ZRANB3: variants seen among roughly 807,000 people sequenced by gnomAD.
The protein encoded by ZRANB3 is DNA annealing helicase and endonuclease ZRANB3.
ZRANB3 carries 125 observed loss-of-function variants against 133.8 expected under a neutral mutation model. The observed-to-expected ratio is 0.93, with a 90% CI of 0.81 to 1.08. ZRANB3 has a LOEUF of 1.08. Among genes scored for constraint, ZRANB3 ranks in the 50% least tolerant of loss-of-function variants. The probability of loss-of-function intolerance (pLI) is 0.00; values close to 1 mark genes in which losing one functional copy is unlikely to be tolerated. For missense variants in ZRANB3, 1,229 were observed against 1,275.5 expected, an observed-to-expected ratio of 0.96 and a Z score of 0.56; for synonymous variants, 387 against 432.7, an observed-to-expected ratio of 0.89 and a Z score of 1.31.
intron 2 of ZRANB3, among the ~76,000 whole-genome samples, chr2:135,464,357 A>T (rs1428892571): frequency 6.6e-6 from 1 of 152,128 alleles, no homozygotes; most frequent in Non-Finnish European, 1.5e-5. Flanking sequence ...TGGCAGGTGA[A>T]GCAATGTGGA....
At chr2:135,460,262 A>G (rs1257614779) in intron 2 of ZRANB3, among the ~76,000 whole-genome samples, 19 of 151,560 alleles carry the variant, frequency 1.3e-4, no homozygotes, top group Admixed American at 7.9e-4. Flanking sequence ...TCAAACAGCT[A>G]ACTTTTTTTT....
At chr2:135,370,999 G>A (rs1686153875) in intron 3 of ZRANB3, among the ~76,000 whole-genome samples, 1 of 152,108 alleles carries the variant, frequency 6.6e-6, no homozygotes, top group Admixed American at 6.5e-5. Flanking sequence ...ATAACCTTAA[G>A]CTTCTTGAGG....
At chr2:135,383,413 C>T (rs1686815777) in intron 3 of ZRANB3, among the ~76,000 whole-genome samples, 1 of 152,092 alleles carries the variant, frequency 6.6e-6, no homozygotes, top group Admixed American at 6.6e-5. Context: ...TTTAACACCC[C>T]ACTGTCAACA....
At chr2:135,342,991 C>T (rs1008437712) in intron 6 of ZRANB3, among the ~76,000 whole-genome samples, 1 of 139,034 alleles carries the variant, frequency 7.2e-6, no homozygotes, top group Non-Finnish European at 1.5e-5. Context: ...ATGGCGAAAC[C>T]CTGTCTCTAC....
chr2:135,405,649 A>C (rs893076952), intron 2 of ZRANB3, among the ~76,000 whole-genome samples: 5 of 152,204 alleles, frequency 3.3e-5, no homozygotes, highest in African/African-American at 1.2e-4. Context: ...TCAAACTAGA[A>C]CTCAGGATTA....
At chr2:135,522,590 A>C (rs935783778) in intron 1 of ZRANB3, among the ~76,000 whole-genome samples, 2 of 152,208 alleles carry the variant, frequency 1.3e-5, no homozygotes, top group Non-Finnish European at 2.9e-5. Context: ...ACCTGAGGTC[A>C]GGAGTTCAAG....
Position 135,244,509 on chromosome 2 carries a change from G to A in ZRANB3, c.1540-13582C>T, listed in dbSNP as rs1695700269. Among the ~76,000 whole-genome samples the A allele has an allele frequency of 3.3e-5, 5 of 152,242 alleles. No individual in the cohort carries two copies. In the South Asian group the frequency reaches 1.0e-3, roughly 32 times the overall value. On this transcript the variant is annotated intron_variant, in intron 12 of 20. Transcript: ENST00000264159. The stretch of plus-strand genomic sequence containing the variant: ...TGTAATCCCAGCTACTCGGGAGGCT[G>A]ACGCACGAGAATCACTTGAACCCAG...
intron 2 of ZRANB3, among the ~76,000 whole-genome samples, chr2:135,461,824 C>A (rs1690779824): frequency 6.6e-6 from 1 of 152,110 alleles, no homozygotes; most frequent in Admixed American, 6.6e-5. Flanking sequence ...AATCTAGTTT[C>A]TTCACTAGCA....
chr2:135,343,670 G>C (rs550666046), intron 6 of ZRANB3, among the ~76,000 whole-genome samples: 1 of 149,800 alleles, frequency 6.7e-6, no homozygotes, highest in Admixed American at 6.6e-5. Context: ...AATATATGAA[G>C]ATTTTCAGCA....
At chr2:135,220,356 C>G (rs1694488553) in intron 15 of ZRANB3, among the ~76,000 whole-genome samples, 1 of 150,196 alleles carries the variant, frequency 6.7e-6, no homozygotes, top group Admixed American at 6.6e-5. Context: ...AAAAAAGTTA[C>G]AGCTCCCACA....
intron 5 of ZRANB3, among the ~76,000 whole-genome samples, chr2:135,348,021 G>A (rs1029109994): frequency 3.3e-5 from 5 of 152,086 alleles, no homozygotes; most frequent in African/African-American, 1.2e-4. Context: ...CACTTTAGGA[G>A]GCTAAGACGA....
intron 6 of ZRANB3, among the ~76,000 whole-genome samples, chr2:135,342,524 A>G (rs1263582301): frequency 6.7e-6 from 1 of 149,522 alleles, no homozygotes. Context: ...TGCCTAGGCT[A>G]GTGTCAAACT....
At chr2:135,319,222 A>T (rs975015271) in intron 6 of ZRANB3, among the ~76,000 whole-genome samples, 1 of 152,084 alleles carries the variant, frequency 6.6e-6, no homozygotes, top group African/African-American at 2.4e-5. Flanking sequence ...AATGAAAAAA[A>T]CACAAGTTAC....
At chr2:135,277,327 C>T (rs1680876073) in intron 8 of ZRANB3, among the ~76,000 whole-genome samples, 1 of 152,138 alleles carries the variant, frequency 6.6e-6, no homozygotes, top group Non-Finnish European at 1.5e-5. Context: ...TTATTGAAGG[C>T]CACAGTCTAT....
chr2:135,495,893 T>A (rs1692639736), intron 2 of ZRANB3, among the ~76,000 whole-genome samples: 1 of 152,162 alleles, frequency 6.6e-6, no homozygotes, highest in Non-Finnish European at 1.5e-5. Context: ...TTATACTTAA[T>A]TTTTTAAGCT....
chr2:135,421,749 T>C (rs1386054932), intron 2 of ZRANB3, among the ~76,000 whole-genome samples: 1 of 152,174 alleles, frequency 6.6e-6, no homozygotes, highest in Non-Finnish European at 1.5e-5. Context: ...CATTAGTTAG[T>C]ACGGTGGCCT....
intron 3 of ZRANB3, among the ~76,000 whole-genome samples, chr2:135,383,721 C>T (rs1022389281): frequency 2.6e-5 from 4 of 152,156 alleles, no homozygotes; most frequent in Admixed American, 6.5e-5. Context: ...TACGTGGAAA[C>T]TGAACAACCT....
chr2:135,303,204 T>C (rs530249136), intron 8 of ZRANB3, among the ~76,000 whole-genome samples: 73 of 152,330 alleles, frequency 4.8e-4, no homozygotes, highest in African/African-American at 1.6e-3. Context: ...CGTATATATA[T>C]ATTTTTTACC....
intron 15 of ZRANB3, among the ~76,000 whole-genome samples, chr2:135,220,346 A>G (rs1278094616): frequency 6.6e-6 from 1 of 152,118 alleles, no homozygotes; most frequent in Non-Finnish European, 1.5e-5. Context: ...CCAAAAAAAA[A>G]AAAAAGTTAC....
Sources: gnomAD v4.1 joint callset for allele counts (sites outside exome capture counted in the v4.1 genomes callset) on GRCh38, gnomAD v4.1.1 for gene constraint, MANE v1.5 for transcripts, NCBI Gene and HGNC (gene_info 2026-07-23, HGNC 2026-07-21) for gene names.